BCL11B: variants seen among roughly 807,000 people sequenced by gnomAD.
The protein encoded by BCL11B is BCL11 transcription factor B.
BCL11B carries 8 observed loss-of-function variants against 49.9 expected under a neutral mutation model. That is an observed-to-expected ratio of 0.16 (90% CI 0.09 to 0.29). The LOEUF is 0.29. Ranked by LOEUF, BCL11B falls within the 10% of genes least tolerant of loss-of-function variation. BCL11B has a pLI of 1.00. For synonymous variants in BCL11B, 739 were observed against 637.4 expected, an observed-to-expected ratio of 1.16 and a Z score of -2.40; for missense variants, 1,006 against 1,351.0, an observed-to-expected ratio of 0.74 and a Z score of 4.00.
chr14:99,263,594 A>ACAGATTGTTTGCAGGACTC (rs1889399918), intron 1 of BCL11B, among the ~76,000 whole-genome samples: 1 of 152,242 alleles, frequency 6.6e-6, no homozygotes, highest in Admixed American at 6.5e-5. Context: ...CTCCCTGTGT[A>ACAGATTGTTTGCAGGACTC]CAGATTGTTT....
In BCL11B at chr14:99,231,324, C is replaced by T. The variant is rs1566821528; in HGVS notation, c.640+21G>A. On this transcript the variant is annotated intron_variant, in intron 3 of 3. Transcript: ENST00000357195. The surrounding 1 kb of genome is among the most constrained non-coding windows in gnomAD (Gnocchi z 8.1). ...CCCGCCATCCCGGGGGCCCGCCCCC[C>T]ACCGCGGCGTCGTCTGTTACCTGAC... The T allele has an allele frequency of 2.5e-6, 4 of 1,605,966 alleles. No individual in the cohort carries two copies. The highest frequency in any genetic ancestry group is 3.4e-6 in the Non-Finnish European group (4 of 1,177,154).
In BCL11B at chr14:99,175,783, C is replaced by T. The variant is rs763068086; in HGVS notation, c.1053G>A (p.Leu351=). The change falls in exon 4 of 4, where the codon CTG becomes CTA. Residue 351 remains leucine (L), a synonymous_variant. Coordinates refer to ENST00000357195, the MANE Select transcript of BCL11B (RefSeq NM_138576.4). The part of the protein sequence containing the change: ...HPSAFDRVMR[L]NPMAIDSPAM... ...CGGGCGAGTCGATGGCCATGGGGTT[C>T]AGGCGCATGACTCGGTCGAAGGCAC... 18 of 1,472,372 alleles carry T rather than the reference C, an allele frequency of 1.2e-5. No homozygotes were observed. The South Asian group carries it at 2.4e-4, about 20-fold the overall frequency. 91.2% of individuals were successfully genotyped at this position (1,472,372 alleles called of 1,614,324 possible).
chr14:99,225,641 T>A (rs868347649), intron 3 of BCL11B, among the ~76,000 whole-genome samples: 6 of 151,214 alleles, frequency 4.0e-5, no homozygotes, highest in African/African-American at 1.5e-4. Flanking sequence ...AGACAGCTAT[T>A]AAAAAAAAAG....
Position 99,173,800 on chromosome 14 carries a change from C to T in BCL11B, c.*351G>A, listed in dbSNP as rs1173542040. The T allele has an allele frequency of 5.8e-5, 19 of 326,524 alleles. No homozygotes were observed. The Admixed American group carries it at 6.9e-4, about 12-fold the overall frequency. 20.2% of individuals were successfully genotyped at this position (326,524 alleles called of 1,614,324 possible). The stretch of plus-strand genomic sequence containing the variant: ...TGCGAGTCATTGCTCAGGCTACTAC[C>T]GGGTTAAAAAAAAAACAAAGAAGGG... On this transcript the variant is annotated 3_prime_UTR_variant, in exon 4 of 4. Coordinates refer to ENST00000357195, the MANE Select transcript of BCL11B (RefSeq NM_138576.4).
chr14:99,219,429 CA>C (rs1887946720), intron 3 of BCL11B, among the ~76,000 whole-genome samples: 1 of 152,176 alleles, frequency 6.6e-6, no homozygotes, highest in African/African-American at 2.4e-5. Flanking sequence ...AGAGAAAGCA[CA>C]ACCACTAATA....
chr14:99,238,146 C>T (rs1005051360), intron 2 of BCL11B, among the ~76,000 whole-genome samples: 3 of 152,056 alleles, frequency 2.0e-5, no homozygotes, highest in African/African-American at 4.8e-5. Flanking sequence ...TCAGGGAGCA[C>T]CCTGAGCCAG....
At chr14:99,182,735 C>T (rs757585502) in intron 3 of BCL11B, among the ~76,000 whole-genome samples, 28 of 152,206 alleles carry the variant, frequency 1.8e-4, no homozygotes, top group Non-Finnish European at 3.2e-4. Context: ...ACTGCCCCCA[C>T]ACCAAGGCCT....
chr14:99,203,078 A>G (rs1448475233), intron 3 of BCL11B, among the ~76,000 whole-genome samples: 1 of 151,940 alleles, frequency 6.6e-6, no homozygotes, highest in African/African-American at 2.4e-5. Flanking sequence ...TCCACACCCT[A>G]TCTCAACTCC....
rs541994667 is a variant in BCL11B, at chr14:99,196,494, C to G, written c.641-20299G>C. ...ATCTTTCAGGGAGATAGCTCCGTGT[C>G]CCCAACTATCCTGGTCAAAGCTGTT... is the stretch of plus-strand genomic sequence containing the variant. On this transcript the variant is annotated intron_variant, in intron 3 of 3. Coordinates refer to ENST00000357195, the MANE Select transcript of BCL11B (RefSeq NM_138576.4). Among the ~76,000 whole-genome samples the G allele has an allele frequency of 1.3e-4, 19 of 151,420 alleles. No individual in the cohort carries two copies. The South Asian group carries it at 2.9e-3, about 23-fold the overall frequency.
chr14:99,179,298 A>C (rs1345021746), intron 3 of BCL11B, among the ~76,000 whole-genome samples: 1 of 151,628 alleles, frequency 6.6e-6, no homozygotes, highest in East Asian at 1.9e-4. Flanking sequence ...ACATGATGAA[A>C]CCCCATCTCT....
Position 99,195,210 on chromosome 14 carries a change from A to G in BCL11B, c.641-19015T>C, listed in dbSNP as rs191139615. Among the ~76,000 whole-genome samples the G allele has an allele frequency of 3.3e-5, 5 of 152,254 alleles. No individual in the cohort carries two copies. The highest frequency in any genetic ancestry group is 1.9e-4 in the East Asian group (1 of 5,170). On this transcript the variant is annotated intron_variant, in intron 3 of 3. Coordinates refer to ENST00000357195, the MANE Select transcript of BCL11B (RefSeq NM_138576.4). The surrounding 1 kb of genome is among the most constrained non-coding windows in gnomAD (Gnocchi z 4.7). ...CTCAGGAAAATATGTGGAGCGAACT[A>G]CCTGGCTTCCTGACCTGTACTTTCA...
At chr14:99,209,819 A>C (rs1483691088) in intron 3 of BCL11B, among the ~76,000 whole-genome samples, 1 of 151,942 alleles carries the variant, frequency 6.6e-6, no homozygotes, top group Non-Finnish European at 1.5e-5. Flanking sequence ...TTGACTGCAA[A>C]ACCACTGCAA....
chr14:99,177,330 C>A (rs1886565774), intron 3 of BCL11B, among the ~76,000 whole-genome samples: 1 of 151,754 alleles, frequency 6.6e-6, no homozygotes, highest in South Asian at 2.1e-4. Context: ...CAAATTGTAG[C>A]GAACACTCGT....
chr14:99,270,679 C>G (rs1350314059), intron 1 of BCL11B, among the ~76,000 whole-genome samples: 1 of 152,044 alleles, frequency 6.6e-6, no homozygotes, highest in South Asian at 2.1e-4. Flanking sequence ...AGCCGGAACG[C>G]ACCCCGCTCT....
At chr14:99,250,573 T>C (rs1888979395) in intron 2 of BCL11B, among the ~76,000 whole-genome samples, 1 of 152,176 alleles carries the variant, frequency 6.6e-6, no homozygotes, top group Non-Finnish European at 1.5e-5. Flanking sequence ...TAACAGATTC[T>C]AGACCTGGTG....
chr14:99,229,157 C>T (rs865929707), intron 3 of BCL11B, among the ~76,000 whole-genome samples: 60 of 131,526 alleles, frequency 4.6e-4, no homozygotes, highest in African/African-American at 1.6e-3. Flanking sequence ...GATGGATGGA[C>T]GGACGGATAG....
rs1887744795 is a variant in BCL11B at position 99,213,479 on chromosome 14, T to C, written c.640+17866A>G. Among the ~76,000 whole-genome samples, 2 of 152,228 alleles carry C rather than the reference T, an allele frequency of 1.3e-5. No homozygotes were observed. Among genetic ancestry groups the C allele is most frequent in the Non-Finnish European group, 2.9e-5 (2 of 68,048 alleles). ...TCTGGACTGGTATGACTCATGTTTT[T>C]AATAGAAGAACTTAATTTTCACTTC... On this transcript the variant is annotated intron_variant, in intron 3 of 3. Coordinates refer to ENST00000357195, the MANE Select transcript of BCL11B (RefSeq NM_138576.4). The surrounding 1 kb of genome is among the most constrained non-coding windows in gnomAD (Gnocchi z 5.1).
chr14:99,175,029 C>T lies in BCL11B; in HGVS notation c.1807G>A (p.Gly603Ser), dbSNP rs1410176913. 1 of 1,596,308 alleles carries T rather than the reference C, an allele frequency of 6.3e-7. No individual in the cohort carries two copies. The highest frequency in any genetic ancestry group is 1.3e-5 in the African/African-American group (1 of 74,596). Residue 603 changes from glycine (G) to serine (S), a missense_variant, in exon 4 of 4, where the codon GGC (glycine) becomes AGC (serine). Gly to Ser is a moderately conservative substitution (Grantham distance 56). Coordinates refer to ENST00000357195, the MANE Select transcript of BCL11B (RefSeq NM_138576.4). The part of the protein sequence containing the change: ...LVLGKVMENV[G>S]LGALPQYGEL... Reference sequence around the variant, plus strand: ...CCGTACTGCGGCAGTGCGCCTAGGCCCACGTTCTCCATGACCTTGCCCAGC... The same window carrying T: ...CCGTACTGCGGCAGTGCGCCTAGGCTCACGTTCTCCATGACCTTGCCCAGC...
chr14:99,204,451 T>C (rs953877625), intron 3 of BCL11B, among the ~76,000 whole-genome samples: 2 of 152,100 alleles, frequency 1.3e-5, no homozygotes, highest in Non-Finnish European at 2.9e-5. Flanking sequence ...AGCCTTGGGG[T>C]AGGGGGGAGG....
Sources: gnomAD v4.1 joint callset for allele counts (sites outside exome capture counted in the v4.1 genomes callset) on GRCh38, gnomAD v4.1.1 for gene constraint, Gnocchi (gnomAD v3.1) non-coding constraint, MANE v1.5 for transcripts, NCBI Gene and HGNC (gene_info 2026-07-23, HGNC 2026-07-21) for gene names.